The following LGR6 variants were observed in gnomAD, a reference collection of about 807,000 sequenced individuals.
LGR6 encodes the protein leucine rich repeat containing G protein-coupled receptor 6, also known as leucine-rich repeat-containing G protein-coupled receptor 6.
In LGR6, 45 loss-of-function variants were observed where a neutral mutation model predicts 69.4. That is an observed-to-expected ratio of 0.65 (90% CI 0.51 to 0.83). The LOEUF is 0.83. Among genes scored for constraint, LGR6 ranks in the 40% least tolerant of loss-of-function variants. The pLI is 0.00. For missense variants in LGR6, 1,108 were observed against 1,246.7 expected, an observed-to-expected ratio of 0.89 and a Z score of 1.68; for synonymous variants, 538 against 555.0, an observed-to-expected ratio of 0.97 and a Z score of 0.43.
At chr1:202,222,538 G>A (rs1660233852) in intron 1 of LGR6, among the ~76,000 whole-genome samples, 1 of 152,184 alleles carries the variant, frequency 6.6e-6, no homozygotes, top group Non-Finnish European at 1.5e-5. Context: ...CTGCGTTCCT[G>A]TCGAGACACA....
intron 3 of LGR6, among the ~76,000 whole-genome samples, chr1:202,233,889 C>T (rs1273112505): frequency 4.6e-5 from 7 of 152,164 alleles, no homozygotes; most frequent in Admixed American, 1.3e-4. Context: ...CTAAGGCCCG[C>T]GGTTCTTAAG....
chr1:202,307,998 A>G (rs543926296), intron 14 of LGR6, among the ~76,000 whole-genome samples: 1 of 152,334 alleles, frequency 6.6e-6, no homozygotes, highest in East Asian at 1.9e-4. Flanking sequence ...GGGAGCTGAC[A>G]TCCTGCCACC....
intron 1 of LGR6, among the ~76,000 whole-genome samples, chr1:202,200,858 G>T (rs1051899650): frequency 6.6e-6 from 1 of 152,206 alleles, no homozygotes; most frequent in Non-Finnish European, 1.5e-5. Context: ...AGAGCTCAGG[G>T]GTTGGCACTG....
At chr1:202,313,742 G>A (rs1357556086) in intron 16 of LGR6, among the ~76,000 whole-genome samples, 3 of 152,094 alleles carry the variant, frequency 2.0e-5, no homozygotes, top group Admixed American at 1.3e-4. Context: ...TGTATGGGGG[G>A]CACATGTGAT....
intron 1 of LGR6, among the ~76,000 whole-genome samples, chr1:202,208,506 G>A (rs552547952): frequency 6.6e-6 from 1 of 152,196 alleles, no homozygotes; most frequent in East Asian, 1.9e-4. Flanking sequence ...TTCACTCCGT[G>A]AGACTTGAGA....
intron 1 of LGR6, among the ~76,000 whole-genome samples, chr1:202,218,295 T>C (rs1452397745): frequency 6.6e-6 from 1 of 152,132 alleles, no homozygotes; most frequent in East Asian, 1.9e-4. Flanking sequence ...GGTGTTTTTC[T>C]TCATTTAAAA....
At chr1:202,302,918 G>A (rs1166765796) in intron 9 of LGR6, among the ~76,000 whole-genome samples, 1 of 152,146 alleles carries the variant, frequency 6.6e-6, no homozygotes, top group African/African-American at 2.4e-5. Flanking sequence ...GTTCTAATAA[G>A]CAAAACCCAG....
chr1:202,240,444 G>A (rs1213142334), intron 4 of LGR6, among the ~76,000 whole-genome samples: 1 of 152,008 alleles, frequency 6.6e-6, no homozygotes, highest in Non-Finnish European at 1.5e-5. Context: ...GGAGGGTGCA[G>A]GGAAAGGGGA....
Position 202,264,849 on chromosome 1 carries a change from C to T in LGR6, c.429-11457C>T, listed in dbSNP as rs75917703. ...ATACAAAGGAAGCACTTTCTCTGCCCGCCCCCGCCACCACCCCAGGGGTTC... is the reference window on the plus strand; with the variant it reads ...ATACAAAGGAAGCACTTTCTCTGCCTGCCCCCGCCACCACCCCAGGGGTTC... On this transcript the variant is annotated intron_variant, in intron 4 of 17. Transcript: ENST00000367278. Among the ~76,000 whole-genome samples the T allele has an allele frequency of 2.9e-3, 439 of 152,184 alleles. 13 individuals are homozygous for T. The East Asian group carries it at 0.064, about 22-fold the overall frequency.
chr1:202,221,627 C>T (rs1295107386), intron 1 of LGR6, among the ~76,000 whole-genome samples: 1 of 152,150 alleles, frequency 6.6e-6, no homozygotes, highest in Non-Finnish European at 1.5e-5. Context: ...TCATCTCAAT[C>T]CCCTTGCTGT....
chr1:202,295,276 C>T (rs1173461089), intron 6 of LGR6, among the ~76,000 whole-genome samples: 3 of 139,832 alleles, frequency 2.1e-5, no homozygotes, highest in African/African-American at 8.1e-5. Flanking sequence ...TGCAGTGAGC[C>T]GAGATCACGC....
At chr1:202,299,491 A>AG (rs1346648972) in intron 7 of LGR6, among the ~76,000 whole-genome samples, 1 of 151,962 alleles carries the variant, frequency 6.6e-6, no homozygotes, top group Non-Finnish European at 1.5e-5. Context: ...AATATATGGG[A>AG]GGGGGTGTAC....
chr1:202,194,431 C>T (rs1355663179), intron 1 of LGR6: 2 of 594,412 alleles, frequency 3.4e-6, no homozygotes, highest in African/African-American at 1.9e-5. Flanking sequence ...TCCCCATTGG[C>T]CTCCGTGCTT....
chr1:202,305,820 A>T (rs1421878581), intron 12 of LGR6, 71 bp downstream of exon 12: 8 of 1,218,960 alleles, frequency 6.6e-6, no homozygotes, highest in African/African-American at 1.5e-5. Context: ...GGGAGGTGTG[A>T]TGGGGGGCAT....
At chr1:202,213,515 G>A (rs1006595097) in intron 1 of LGR6, among the ~76,000 whole-genome samples, 4 of 152,114 alleles carry the variant, frequency 2.6e-5, no homozygotes, top group Non-Finnish European at 5.9e-5. Flanking sequence ...AGAGAGAAGC[G>A]GCAGCTGCTG....
intron 1 of LGR6, among the ~76,000 whole-genome samples, chr1:202,202,315 A>G (rs1051372900): frequency 2.0e-5 from 3 of 152,098 alleles, no homozygotes; most frequent in Admixed American, 1.3e-4. Context: ...ACACATACAC[A>G]AACACACAAA....
intron 4 of LGR6, among the ~76,000 whole-genome samples, chr1:202,237,076 GGTGCC>G (rs1283261531): frequency 6.6e-6 from 1 of 152,106 alleles, no homozygotes; most frequent in Non-Finnish European, 1.5e-5. Context: ...TCCTTCCCTG[GGTGCC>G]CTCTACCCTC....
chr1:202,308,910 G>A, intron 14 of LGR6, 141 bp from the exon 15 acceptor site: 1 of 990,296 alleles, frequency 1.0e-6, no homozygotes, highest in Non-Finnish European at 1.5e-6. Context: ...GGCATTCAAT[G>A]CTCTCTTCTA....
Position 202,297,583 on chromosome 1 carries a change from G to C in LGR6, c.785+7G>C, listed in dbSNP as rs75131510. On this transcript the variant is annotated splice_region_variant and intron_variant, in intron 7 of 17. Coordinates refer to ENST00000367278, the MANE Select transcript of LGR6 (RefSeq NM_001017403.2). Reference sequence around the variant, plus strand: ...TGGGCAGACTGCAGGAACTGTAAGCGCCTCTTTTGGTTTCTGTGGGTGTCC... The same window carrying C: ...TGGGCAGACTGCAGGAACTGTAAGCCCCTCTTTTGGTTTCTGTGGGTGTCC... 15 of 1,612,646 alleles carry C rather than the reference G, an allele frequency of 9.3e-6. No individual in the cohort carries two copies. In the Middle Eastern group the frequency reaches 6.6e-4, roughly 71 times the overall value.
Sources: gnomAD v4.1 joint callset for allele counts (sites outside exome capture counted in the v4.1 genomes callset) on GRCh38, gnomAD v4.1.1 for gene constraint, MANE v1.5 for transcripts, NCBI Gene and HGNC (gene_info 2026-07-23, HGNC 2026-07-21) for gene names.